Variants in PIK3CD observed in about 807,000 individuals in gnomAD.
PIK3CD encodes the protein phosphatidylinositol-4,5-bisphosphate 3-kinase catalytic subunit delta.
Under a neutral mutation model 122.9 loss-of-function variants are expected in PIK3CD, and 20 were observed. The observed-to-expected ratio is 0.16, with a 90% CI of 0.11 to 0.24. The LOEUF (loss-of-function observed/expected upper bound fraction) is 0.24, where lower values mean the gene tolerates loss of function less well. Ranked by LOEUF, PIK3CD falls within the 10% of genes least tolerant of loss-of-function variation. The probability of loss-of-function intolerance (pLI) is 1.00; values close to 1 mark genes in which losing one functional copy is unlikely to be tolerated. For missense variants in PIK3CD, 787 were observed against 1,406.3 expected, an observed-to-expected ratio of 0.56 and a Z score of 7.04; for synonymous variants, 596 against 593.4, an observed-to-expected ratio of 1.00 and a Z score of -0.06.
upstream of PIK3CD, among the ~76,000 whole-genome samples, chr1:9,647,481 AATTATTATTATTATT>A (rs61118085): frequency 3.6e-5 from 5 of 139,450 alleles, no homozygotes; most frequent in East Asian, 2.1e-4. Context: ...TCATGATTCT[AATTATTATTATTATT>A]ATTATTATTA....
At position 9,729,022 on chromosome 1, in the gene PIK3CD, G is replaced by GTA. The variant is rs1401215583; in HGVS notation, c.*1976_*1977insTA. The GTA allele has an allele frequency of 6.6e-6, 1 of 152,208 alleles. No individual in the cohort carries two copies. The highest frequency in any genetic ancestry group is 2.4e-5 in the African/African-American group (1 of 41,438). The allele number at this position is 152,208 out of a possible 1,614,324, so 9.4% of individuals were successfully genotyped here. A position where few individuals can be genotyped will look rare whatever the true frequency, so the allele number is the denominator to read the frequency against. ...AGAGAAGACAAACCCCGCTCCGGCT[G>GTA]GAGTTAGTTAGAACCAGAACTTTAT... On this transcript the variant is annotated 3_prime_UTR_variant, in exon 24 of 24. Coordinates refer to ENST00000377346, the MANE Select transcript of PIK3CD (RefSeq NM_005026.5).
chr1:9,644,657 A>C, the PIK3CD span, among the ~76,000 whole-genome samples: 1 of 152,068 alleles, frequency 6.6e-6, no homozygotes, highest in African/African-American at 2.4e-5. Context: ...CTTTATTTTT[A>C]ACTGTTGTCA....
intron 2 of PIK3CD, among the ~76,000 whole-genome samples, chr1:9,705,369 C>T (rs1259005432): frequency 4.7e-5 from 7 of 148,000 alleles, no homozygotes; most frequent in East Asian, 2.0e-4. Context: ...TAGTGGCATA[C>T]GCCTGTAGTC....
At chr1:9,664,121 T>C (rs1570098656) in intron 1 of PIK3CD, among the ~76,000 whole-genome samples, 1 of 145,200 alleles carries the variant, frequency 6.9e-6, no homozygotes, top group Non-Finnish European at 1.5e-5. Context: ...ATATCTCAGC[T>C]CACTGCAACC....
At chr1:9,670,658 G>A (rs1645293517) in intron 1 of PIK3CD, among the ~76,000 whole-genome samples, 1 of 152,130 alleles carries the variant, frequency 6.6e-6, no homozygotes, top group Non-Finnish European at 1.5e-5. Flanking sequence ...GAAACACCTG[G>A]ACCAAGTTAT....
At chr1:9,690,807 G>A (rs1646170905) in intron 1 of PIK3CD, among the ~76,000 whole-genome samples, 3 of 152,188 alleles carry the variant, frequency 2.0e-5, no homozygotes, top group African/African-American at 7.2e-5. Flanking sequence ...GCTCTGGGCC[G>A]AAGGCTCCCA....
At position 9,695,570 on chromosome 1, in the gene PIK3CD, G is replaced by A. The variant is rs151138192; in HGVS notation, c.-33+3999G>A. ...GTAGAAACTACAAGACAGGCCAGGC[G>A]CAATGGCTCACACCTGTAATCCCGG... On this transcript the variant is annotated intron_variant, in intron 2 of 23. Transcript: ENST00000377346. 1.6e-4 allele frequency among the ~76,000 whole-genome samples: 25 copies of A among 152,254 alleles called. 1 individual carries two copies. The highest frequency in any genetic ancestry group is 4.1e-4 in the South Asian group (2 of 4,832).
At chr1:9,699,220 C>CA (rs1033335850) in intron 2 of PIK3CD, among the ~76,000 whole-genome samples, 1 of 151,798 alleles carries the variant, frequency 6.6e-6, no homozygotes, top group Non-Finnish European at 1.5e-5. Flanking sequence ...CGAACCGTGC[C>CA]AAAAAAAGAG....
At chr1:9,646,550 G>A in the PIK3CD span, among the ~76,000 whole-genome samples, 1 of 152,234 alleles carries the variant, frequency 6.6e-6, no homozygotes, top group Admixed American at 6.5e-5. Flanking sequence ...AAACATATGG[G>A]AGAAAAGGAA....
chr1:9,648,198 G>C (rs150648323), upstream of PIK3CD, among the ~76,000 whole-genome samples: 1 of 152,076 alleles, frequency 6.6e-6, no homozygotes, highest in African/African-American at 2.4e-5. Context: ...AAATATTTAC[G>C]TCAAAGAGGT....
At chr1:9,628,911 G>T in the PIK3CD span, among the ~76,000 whole-genome samples, 5 of 152,158 alleles carry the variant, frequency 3.3e-5, no homozygotes, top group African/African-American at 1.2e-4. Flanking sequence ...GAAGGAAAAG[G>T]TTGGGCGGTG....
chr1:9,629,114 C>T, the PIK3CD span, among the ~76,000 whole-genome samples: 1 of 152,234 alleles, frequency 6.6e-6, no homozygotes, highest in African/African-American at 2.4e-5. Flanking sequence ...GGTCTCGGGC[C>T]ACTGACGCCT....
chr1:9,695,605 A>G (rs1365927356), intron 2 of PIK3CD, among the ~76,000 whole-genome samples: 3 of 152,180 alleles, frequency 2.0e-5, no homozygotes, highest in African/African-American at 4.8e-5. Context: ...GCACTTTGGG[A>G]GGCCGAGGCG....
At position 9,718,106 on chromosome 1, in the gene PIK3CD, A is replaced by C. The variant is rs1647842384; in HGVS notation, c.1020+480A>C. ...CACACGCTCCATCGCAACAGCCTGC[A>C]GTCATGGGCTTTATTGTCCTGTTTG... On this transcript the variant is annotated intron_variant, in intron 8 of 23. Transcript: ENST00000377346. This position sits in a 1 kb window ranked among gnomAD's most constrained non-coding sequence, Gnocchi z 7.2. The C allele has an allele frequency of 2.1e-6, 1 of 465,166 alleles. No individual in the cohort carries two copies. Among genetic ancestry groups the C allele is most frequent in the Non-Finnish European group, 4.3e-6 (1 of 233,250 alleles). 28.8% of individuals were successfully genotyped at this position (465,166 alleles called of 1,614,324 possible). A position where few individuals can be genotyped will look rare whatever the true frequency, so the allele number is the denominator to read the frequency against.
At chr1:9,683,311 A>G (rs1645838676) in intron 1 of PIK3CD, among the ~76,000 whole-genome samples, 1 of 151,062 alleles carries the variant, frequency 6.6e-6, no homozygotes, top group Non-Finnish European at 1.5e-5. Flanking sequence ...GGTGGCGGGA[A>G]CCTGTAGTCC....
chr1:9,723,068 G>C lies in PIK3CD; in HGVS notation c.2427-57G>C. On this transcript the variant is annotated intron_variant, in intron 19 of 23. Transcript: ENST00000377346. The surrounding 1 kb of genome is among the most constrained non-coding windows in gnomAD (Gnocchi z 4.9). ...ACCATGAGTTTCTGGGGCTCAAGTG[G>C]CCTCAGGGACAGCCCTTGACCATGC... is the stretch of plus-strand genomic sequence containing the variant. The C allele has an allele frequency of 6.4e-7, 1 of 1,556,784 alleles. No homozygotes were observed. Among genetic ancestry groups the C allele is most frequent in the East Asian group, 2.2e-5 (1 of 44,572 alleles).
At chr1:9,648,073 A>C (rs536984569), upstream of PIK3CD, among the ~76,000 whole-genome samples, 25 of 152,348 alleles carry the variant, frequency 1.6e-4, no homozygotes, top group African/African-American at 5.8e-4. Flanking sequence ...GACCCGGTAC[A>C]GGGGTCTTGT....
Position 9,724,998 on chromosome 1 carries a change from G to C in PIK3CD, c.2997+62G>C. On this transcript the variant is annotated intron_variant, in intron 23 of 23. Transcript: ENST00000377346. This position sits in a 1 kb window ranked among gnomAD's most constrained non-coding sequence, Gnocchi z 7.3. ...CTTCCAAGGCCTGCCCCCGAGCAAT[G>C]TGACCTAGGAGGGCCCTGAATGCAG... is the stretch of plus-strand genomic sequence containing the variant. 1 of 1,600,014 alleles carries C rather than the reference G, an allele frequency of 6.2e-7. No individual in the cohort carries two copies. The highest frequency in any genetic ancestry group is 1.1e-5 in the South Asian group (1 of 90,282).
chr1:9,679,606 C>T (rs1466912241), intron 1 of PIK3CD, among the ~76,000 whole-genome samples: 2 of 151,974 alleles, frequency 1.3e-5, no homozygotes, highest in African/African-American at 2.4e-5. Context: ...CCCCTGATGT[C>T]AGCATCACAG....
Sources: allele counts gnomAD v4.1 joint callset (sites outside exome capture counted in the v4.1 genomes callset), GRCh38; gene constraint gnomAD v4.1.1; non-coding constraint Gnocchi (gnomAD v3.1); transcripts MANE v1.5; gene names NCBI Gene and HGNC (gene_info 2026-07-23, HGNC 2026-07-21).